The following STON2 variants were observed in gnomAD, a reference collection of about 807,000 sequenced individuals.
The protein encoded by STON2 is stonin 2.
In STON2, 29 loss-of-function variants were observed where a neutral mutation model predicts 65.7. The observed-to-expected ratio is 0.44, with a 90% CI of 0.33 to 0.60. The LOEUF is 0.60. Ranked by LOEUF, STON2 falls within the 20% of genes least tolerant of loss-of-function variation. The probability of loss-of-function intolerance (pLI) is 0.03; values close to 1 mark genes in which losing one functional copy is unlikely to be tolerated. For synonymous variants in STON2, 404 were observed against 414.2 expected (o/e 0.98, Z 0.30); for missense variants, 1,054 against 1,118.1 (o/e 0.94, Z 0.82).
chr14:81,341,452 TTTTTG>T (rs1230292674), intron 4 of STON2, among the ~76,000 whole-genome samples: 7 of 123,048 alleles, frequency 5.7e-5, no homozygotes, highest in African/African-American at 2.9e-4. Flanking sequence ...AAGTGTTTTT[TTTTTG>T]TTTTTTTTTT....
Position 81,266,228 on chromosome 14 carries a change from G to T in STON2, c.*2186C>A. 1 of 403,264 alleles carries T rather than the reference G, an allele frequency of 2.5e-6. No individual in the cohort carries two copies. Among genetic ancestry groups the T allele is most frequent in the Non-Finnish European group, 3.4e-6 (1 of 298,034 alleles). The allele number at this position is 403,264 out of a possible 1,614,324, so 25.0% of individuals were successfully genotyped here. On this transcript the variant is annotated 3_prime_UTR_variant, in exon 8 of 8. Coordinates refer to ENST00000614646, the MANE Select transcript of STON2 (RefSeq NM_001394390.1). ...GGGATAGGTGGTTATTTTAACTGTT[G>T]GGCATTCACAGGAACAGGAAATCTT...
chr14:81,428,717 TGTCTCAAA>T (rs1012442347), intron 1 of STON2, among the ~76,000 whole-genome samples: 16 of 152,194 alleles, frequency 1.1e-4, no homozygotes, highest in Admixed American at 9.8e-4. Flanking sequence ...AATGATACTC[TGTCTCAAA>T]AAAAAACAGA....
chr14:81,361,997 T>C (rs2140341915), intron 4 of STON2, among the ~76,000 whole-genome samples: 1 of 152,044 alleles, frequency 6.6e-6, no homozygotes, highest in East Asian at 1.9e-4. Flanking sequence ...ATAACTAGCG[T>C]TGGTGAGGAT....
rs990452560 is a variant in STON2 at position 81,305,762 on chromosome 14, C to T, written c.742+18255G>A. The stretch of plus-strand genomic sequence containing the variant: ...TTTATGGTTAGTCCTTTTTAAGTCT[C>T]GTTTAAGATATATTTTTAAGGGACT... On this transcript the variant is annotated intron_variant, in intron 5 of 7. Transcript: ENST00000614646. Among the ~76,000 whole-genome samples, 8 of 151,110 alleles carry T rather than the reference C, an allele frequency of 5.3e-5. No individual in the cohort carries two copies. The East Asian group carries it at 1.2e-3, about 22-fold the overall frequency.
At chr14:81,431,992 C>G (rs996487845) in intron 1 of STON2, among the ~76,000 whole-genome samples, 1 of 151,954 alleles carries the variant, frequency 6.6e-6, no homozygotes, top group Non-Finnish European at 1.5e-5. Context: ...CTATTCATAC[C>G]CCGATGGATA....
chr14:81,289,743 T>G (rs1895481791), intron 5 of STON2, among the ~76,000 whole-genome samples: 1 of 152,212 alleles, frequency 6.6e-6, no homozygotes, highest in Non-Finnish European at 1.5e-5. Flanking sequence ...TCCTCGGGGC[T>G]GCACTTTGGC....
intron 4 of STON2, among the ~76,000 whole-genome samples, chr14:81,343,379 G>A (rs900289664): frequency 1.3e-5 from 2 of 152,184 alleles, no homozygotes; most frequent in Non-Finnish European, 2.9e-5. Flanking sequence ...GTCCTGGGGA[G>A]GGGGAGAGGG....
intron 4 of STON2, among the ~76,000 whole-genome samples, chr14:81,355,386 G>A (rs979334626): frequency 6.6e-5 from 10 of 151,816 alleles, no homozygotes; most frequent in Admixed American, 3.3e-4. Flanking sequence ...AATTATGAGC[G>A]CACCAAGAGA....
chr14:81,357,437 TTTACAC>T (rs1898289930), intron 4 of STON2, among the ~76,000 whole-genome samples: 4 of 151,586 alleles, frequency 2.6e-5, no homozygotes, highest in Non-Finnish European at 5.9e-5. Context: ...TAGGAACACT[TTTACAC>T]TGTTGGTGGG....
At chr14:81,368,079 A>C (rs899301123) in intron 4 of STON2, among the ~76,000 whole-genome samples, 5 of 152,132 alleles carry the variant, frequency 3.3e-5, no homozygotes, top group African/African-American at 1.2e-4. Flanking sequence ...TATTTATATT[A>C]AAAATAAGCC....
intron 5 of STON2, among the ~76,000 whole-genome samples, chr14:81,292,062 C>T (rs751316680): frequency 1.3e-5 from 2 of 152,196 alleles, no homozygotes; most frequent in Non-Finnish European, 2.9e-5. Context: ...ATCTTAAGTG[C>T]TCTAGCTCCC....
intron 5 of STON2, among the ~76,000 whole-genome samples, chr14:81,308,853 CACATACAT>C (rs1334845884): frequency 0.032 from 271 of 8,570 alleles, 6 homozygotes; most frequent in African/African-American, 0.1. Flanking sequence ...TATATATATA[CACATACAT>C]ACATACATAC....
intron 4 of STON2, among the ~76,000 whole-genome samples, chr14:81,343,904 C>G (rs1328677370): frequency 6.6e-6 from 1 of 152,158 alleles, no homozygotes; most frequent in African/African-American, 2.4e-5. Flanking sequence ...TATCACAGAG[C>G]AGGGAAGTGT....
rs546735075 is a variant in STON2 at position 81,270,925 on chromosome 14, G to A, written c.2582-53C>T. 66 of 1,580,722 alleles carry A rather than the reference G, an allele frequency of 4.2e-5. 1 individual carries two copies. In the South Asian group the frequency reaches 4.4e-4, roughly 10 times the overall value. ...AGATTATTTGGGGAGAAAGTGGAAGGAGCAGCCAAAGGAGCCACTTTGGTA... is the reference window on the plus strand; with the variant it reads ...AGATTATTTGGGGAGAAAGTGGAAGAAGCAGCCAAAGGAGCCACTTTGGTA... On this transcript the variant is annotated intron_variant, in intron 6 of 7. Coordinates refer to ENST00000614646, the MANE Select transcript of STON2 (RefSeq NM_001394390.1).
chr14:81,298,732 G>C (rs901860976), intron 5 of STON2, among the ~76,000 whole-genome samples: 1 of 152,192 alleles, frequency 6.6e-6, no homozygotes, highest in African/African-American at 2.4e-5. Flanking sequence ...AGGATCAACA[G>C]AGAAATCCTT....
intron 6 of STON2, among the ~76,000 whole-genome samples, chr14:81,272,257 C>G (rs2140104428): frequency 6.6e-6 from 1 of 152,288 alleles, no homozygotes; most frequent in South Asian, 2.1e-4. Flanking sequence ...ACCTAGCAGT[C>G]TGACTCCAGA....
chr14:81,361,545 T>C lies in STON2; in HGVS notation c.571+9443A>G, dbSNP rs375478409. On this transcript the variant is annotated intron_variant, in intron 4 of 7. Coordinates refer to ENST00000614646, the MANE Select transcript of STON2 (RefSeq NM_001394390.1). The stretch of plus-strand genomic sequence containing the variant: ...CATAAGACCTGAAACTGTAAAACTA[T>C]TGGAAGAAAATATAAGGGAAAAACT... Among the ~76,000 whole-genome samples the C allele has an allele frequency of 5.5e-4, 83 of 152,142 alleles. 1 individual carries two copies. The South Asian group carries it at 0.012, about 22-fold the overall frequency.
intron 4 of STON2, among the ~76,000 whole-genome samples, chr14:81,324,993 C>G (rs1896956809): frequency 6.6e-6 from 1 of 152,128 alleles, no homozygotes; most frequent in Admixed American, 6.5e-5. Context: ...CATGTGAGCA[C>G]ACTGAGACCC....
chr14:81,369,271 T>C (rs1048714146), intron 4 of STON2, among the ~76,000 whole-genome samples: 2 of 152,206 alleles, frequency 1.3e-5, no homozygotes, highest in Non-Finnish European at 2.9e-5. Flanking sequence ...GGAGGTTTTC[T>C]TGATGCAAAC....
Sources: allele counts gnomAD v4.1 joint callset (sites outside exome capture counted in the v4.1 genomes callset), GRCh38; gene constraint gnomAD v4.1.1; transcripts MANE v1.5; gene names NCBI Gene and HGNC (gene_info 2026-07-23, HGNC 2026-07-21).